Variants in TIAM2 observed in about 807,000 individuals in gnomAD.
TIAM2 encodes TIAM Rac1 associated GEF 2.
In TIAM2, 80 loss-of-function variants were observed where a neutral mutation model predicts 152.9. The observed-to-expected ratio is 0.52, with a 90% CI of 0.44 to 0.63. TIAM2 has a LOEUF of 0.63. TIAM2 is among the 30% of genes least tolerant of loss of function. The pLI, the probability that TIAM2 is intolerant of heterozygous loss-of-function variation, is 0.00. For missense variants in TIAM2, 1,965 were observed against 2,120.1 expected (o/e 0.93, Z 1.44); for synonymous variants, 804 against 838.0 (o/e 0.96, Z 0.70).
At chr6:155,167,814 G>C (rs2115106481) in intron 9 of TIAM2, among the ~76,000 whole-genome samples, 3 of 152,208 alleles carry the variant, frequency 2.0e-5, no homozygotes, top group Admixed American at 2.0e-4. Flanking sequence ...TTTGTGAACT[G>C]AACTTCTTTG....
At chr6:155,052,592 C>G (rs1175459531) in intron 1 of TIAM2, among the ~76,000 whole-genome samples, 2 of 151,826 alleles carry the variant, frequency 1.3e-5, no homozygotes, top group Non-Finnish European at 2.9e-5. Context: ...ATGGTGAAAC[C>G]CTGTCACTAC....
chr6:155,118,980 G>C (rs1779086370), intron 2 of TIAM2, among the ~76,000 whole-genome samples: 1 of 150,128 alleles, frequency 6.7e-6, no homozygotes, highest in Admixed American at 6.7e-5. Context: ...TGTACTTACT[G>C]TCTGTATCTG....
At chr6:155,027,318 A>T (rs1452719920) in intron 1 of TIAM2, among the ~76,000 whole-genome samples, 1 of 148,164 alleles carries the variant, frequency 6.7e-6, no homozygotes, top group African/African-American at 2.5e-5. Context: ...GAGCCATCGC[A>T]CCTGTATATT....
chr6:155,163,084 T>C (rs535750129), intron 7 of TIAM2, among the ~76,000 whole-genome samples: 1 of 152,300 alleles, frequency 6.6e-6, no homozygotes, highest in South Asian at 2.1e-4. Context: ...TTGGAAATCC[T>C]TCAAAGTATT....
rs554147301 is a variant in TIAM2 at position 155,092,064 on chromosome 6, G to GT, written c.-118+1693dup. Among the ~76,000 whole-genome samples the GT allele has an allele frequency of 3.7e-3, 537 of 144,106 alleles. 5 individuals are homozygous for GT. The highest frequency in any genetic ancestry group is 0.013 in the African/African-American group (507 of 38,922). The allele number at this position is 144,106 out of a possible 152,430, so 94.5% of individuals were successfully genotyped here. A position where few individuals can be genotyped will look rare whatever the true frequency, so the allele number is the denominator to read the frequency against. On this transcript the variant is annotated intron_variant, in intron 2 of 26. Transcript: ENST00000682666. The stretch of plus-strand genomic sequence containing the variant: ...AGGCCCACACCACTGGGCCCGGCTA[G>GT]TTTTTTTTATAATTTGTAGAGACGA...
intron 2 of TIAM2, among the ~76,000 whole-genome samples, chr6:155,110,071 C>A (rs1453470914): frequency 6.6e-6 from 1 of 151,888 alleles, no homozygotes; most frequent in Non-Finnish European, 1.5e-5. Flanking sequence ...GCCTCAGCCT[C>A]CCTAGTAGCT....
intron 16 of TIAM2, 123 bp from the exon 17 acceptor site, chr6:155,243,888 A>G (rs1001565617): frequency 1.9e-6 from 1 of 522,466 alleles, no homozygotes. Context: ...GAATTTCAAC[A>G]AGGCATAAAC....
rs1345386669 is a variant in TIAM2 at position 155,129,489 on chromosome 6, T to C, written c.266T>C (p.Val89Ala). The C allele has an allele frequency of 6.2e-7, 1 of 1,614,110 alleles. No homozygotes were observed. Among genetic ancestry groups the C allele is most frequent in the Admixed American group, 1.7e-5 (1 of 60,020 alleles). Residue 89 changes from valine (V) to alanine (A), a missense_variant, in exon 4 of 27, where the codon GTT (valine) becomes GCT (alanine). This residue lies in a region of TIAM2 where 1,025 missense variants were observed against 1,119.4 expected (regional missense o/e 0.92). Transcript: ENST00000682666. The surrounding 1 kb of genome is among the most constrained non-coding windows in gnomAD (Gnocchi z 4.8). ...CCCACATGCAAGGTCTCCAGAGGTG[T>C]TGCCTACTCCACGCACAGGACAAAT... ...GGPTCKVSRGVAYSTHRTNAP... is the reference protein window; with the variant it reads ...GGPTCKVSRGAAYSTHRTNAP...
intron 1 of TIAM2, among the ~76,000 whole-genome samples, chr6:155,082,120 G>A (rs1238423929): frequency 6.6e-6 from 1 of 152,094 alleles, no homozygotes; most frequent in Non-Finnish European, 1.5e-5. Flanking sequence ...GAGGTGGGAG[G>A]ATCACTTGAG....
At chr6:155,143,581 G>C (rs1437594522) in intron 5 of TIAM2, among the ~76,000 whole-genome samples, 1 of 152,170 alleles carries the variant, frequency 6.6e-6, no homozygotes, top group Non-Finnish European at 1.5e-5. Context: ...AACAAACCGG[G>C]TACTTTCTCA....
chr6:155,180,117 TA>T lies in TIAM2; in HGVS notation c.2707+666del, dbSNP rs559870704. Among the ~76,000 whole-genome samples, 4 of 152,188 alleles carry T rather than the reference TA, an allele frequency of 2.6e-5. No homozygotes were observed. In the South Asian group the frequency reaches 8.3e-4, roughly 32 times the overall value. ...CAACATGGAGAAACCCCCTCTCTACTAAAAATACAAAATTAGCCAAGCATGG... is the reference window on the plus strand; with the variant it reads ...CAACATGGAGAAACCCCCTCTCTACTAAAATACAAAATTAGCCAAGCATGG... On this transcript the variant is annotated intron_variant, in intron 12 of 26. Coordinates refer to ENST00000682666, the MANE Select transcript of TIAM2 (RefSeq NM_012454.4).
intron 14 of TIAM2, among the ~76,000 whole-genome samples, chr6:155,185,123 C>CTTTTTTTTTTTTTTTTTTTTT (rs11404301): frequency 1.1e-5 from 1 of 92,414 alleles, no homozygotes; most frequent in African/African-American, 4.4e-5. Context: ...GCAAATTTAC[C>CTTTTTTTTTTTTTTTTTTTTT]TTTTTTTTTT....
chr6:155,199,397 A>G (rs529887481), intron 14 of TIAM2, among the ~76,000 whole-genome samples: 26 of 152,256 alleles, frequency 1.7e-4, no homozygotes, highest in Admixed American at 9.8e-4. Context: ...TAACTTCTAT[A>G]TCACCAGTAT....
intron 1 of TIAM2, among the ~76,000 whole-genome samples, chr6:155,006,758 G>A (rs1008286560): frequency 2.7e-5 from 4 of 150,796 alleles, no homozygotes; most frequent in African/African-American, 4.9e-5. Flanking sequence ...GCGTGATCTC[G>A]GCTCACCACA....
intron 1 of TIAM2, among the ~76,000 whole-genome samples, chr6:155,011,562 C>T (rs192647911): frequency 6.1e-4 from 91 of 148,064 alleles, no homozygotes; most frequent in Non-Finnish European, 2.1e-4. Context: ...ATCTATTTTT[C>T]TCCTCAGAGT....
At chr6:155,250,757 G>C (rs1426580884) in intron 21 of TIAM2, 156 bp from the exon 22 acceptor site, 2 of 1,131,004 alleles carry the variant, frequency 1.8e-6, no homozygotes, top group Non-Finnish European at 2.5e-6. Flanking sequence ...ATTTTCAAAA[G>C]CTCCACCGTT....
At chr6:155,052,676 G>T (rs1268769795) in intron 1 of TIAM2, among the ~76,000 whole-genome samples, 1 of 150,760 alleles carries the variant, frequency 6.6e-6, no homozygotes, top group African/African-American at 2.4e-5. Context: ...TAAGGCAGGA[G>T]AATCGCTTGA....
chr6:155,177,677 T>C (rs1237381487), intron 10 of TIAM2, among the ~76,000 whole-genome samples: 1 of 152,234 alleles, frequency 6.6e-6, no homozygotes, highest in Non-Finnish European at 1.5e-5. Context: ...TTAATAAATG[T>C]GAAAAATGTT....
intron 1 of TIAM2, among the ~76,000 whole-genome samples, chr6:155,052,071 C>T (rs969705340): frequency 6.6e-6 from 1 of 152,146 alleles, no homozygotes; most frequent in African/African-American, 2.4e-5. Context: ...ACTCACCTAG[C>T]AGTTACCACT....
Sources: allele counts gnomAD v4.1 joint callset (sites outside exome capture counted in the v4.1 genomes callset), GRCh38; gene constraint gnomAD v4.1.1; regional missense constraint gnomAD v4.1.1; non-coding constraint Gnocchi (gnomAD v3.1); transcripts MANE v1.5; gene names NCBI Gene and HGNC (gene_info 2026-07-23, HGNC 2026-07-21).